The following PREB variants were observed in gnomAD, a reference collection of about 807,000 sequenced individuals.
PREB encodes guanine nucleotide-exchange factor SEC12.
In PREB, 29 loss-of-function variants were observed where a neutral mutation model predicts 46.7. The observed-to-expected ratio is 0.62, with a 90% confidence interval of 0.46 to 0.85. PREB has a LOEUF of 0.85. Among genes scored for constraint, PREB ranks in the 40% least tolerant of loss-of-function variants. The pLI is 0.00. For synonymous variants in PREB, 224 were observed against 220.1 expected (o/e 1.02, Z -0.16); for missense variants, 494 against 528.4 (o/e 0.93, Z 0.64).
chr2:27,133,019 G>C, intron 3 of PREB, 96 bp from the exon 4 acceptor site: 1 of 1,578,510 alleles, frequency 6.3e-7, no homozygotes, highest in Non-Finnish European at 8.7e-7. Context: ...CTCAATGCAA[G>C]CTTCATTCAC....
chr2:27,130,883 C>A lies in PREB; in HGVS notation c.*531G>T. 1 of 1,031,788 alleles carries A rather than the reference C, an allele frequency of 9.7e-7. No homozygotes were observed. The highest frequency in any genetic ancestry group is 1.4e-6 in the Non-Finnish European group (1 of 713,586). The allele number at this position is 1,031,788 out of a possible 1,614,324, so 63.9% of individuals were successfully genotyped here. A position where few individuals can be genotyped will look rare whatever the true frequency, so the allele number is the denominator to read the frequency against. ...CCTAGGAACTTATTGCATCTTTAGG[C>A]CAGCTGGCTTAGTGCTACCCATCTG... On this transcript the variant is annotated 3_prime_UTR_variant, in exon 9 of 9. Transcript: ENST00000260643.
intron 1 of PREB, 122 bp from the exon 2 acceptor site, chr2:27,133,843 C>CT: frequency 1.1e-6 from 1 of 929,760 alleles, no homozygotes; most frequent in Non-Finnish European, 1.5e-6. Context: ...TTTCTCGAGT[C>CT]TTTTTTCTCT....
rs777413654 is a variant in PREB, at chr2:27,132,587, C to G, written c.752+16G>C. On this transcript the variant is annotated intron_variant, in intron 5 of 8. Coordinates refer to ENST00000260643, the MANE Select transcript of PREB (RefSeq NM_013388.6). The surrounding 1 kb of genome is among the most constrained non-coding windows in gnomAD (Gnocchi z 4.0). The stretch of plus-strand genomic sequence containing the variant: ...TGGGCTATGCCTCTTTCAGCCACCA[C>G]CCAAAGTCTTCACACCTGCAGGCCT... 1 of 1,613,770 alleles carries G rather than the reference C, an allele frequency of 6.2e-7. No homozygotes were observed. The highest frequency in any genetic ancestry group is 8.5e-7 in the Non-Finnish European group (1 of 1,179,984).
At chr2:27,131,602 G>T (rs115345652) in intron 8 of PREB, 70 bp downstream of exon 8, 42 of 1,597,092 alleles carry the variant, frequency 2.6e-5, no homozygotes, top group Non-Finnish European at 3.5e-5. Flanking sequence ...AAAGAGCCCA[G>T]CCTCCGGGGG....
chr2:27,131,037 G>A lies in PREB; in HGVS notation c.*377C>T. On this transcript the variant is annotated 3_prime_UTR_variant, in exon 9 of 9. Coordinates refer to ENST00000260643, the MANE Select transcript of PREB (RefSeq NM_013388.6). ...GAGGAACTGGCCACAAGGCTGAGGG[G>A]AGGAGGAGAAACTGTTTCTGCAGGA... is the stretch of plus-strand genomic sequence containing the variant. 7 of 529,792 alleles carry A rather than the reference G, an allele frequency of 1.3e-5. No individual in the cohort carries two copies. In the South Asian group the frequency reaches 1.6e-4, roughly 12 times the overall value. 32.8% of individuals were successfully genotyped at this position (529,792 alleles called of 1,614,324 possible). A position where few individuals can be genotyped will look rare whatever the true frequency, so the allele number is the denominator to read the frequency against.
chr2:27,131,114 G>T lies in PREB; in HGVS notation c.*300C>A. On this transcript the variant is annotated 3_prime_UTR_variant, in exon 9 of 9. Coordinates refer to ENST00000260643, the MANE Select transcript of PREB (RefSeq NM_013388.6). Reference sequence around the variant, plus strand: ...GGCATCTTCACATGTTTCTAGATAAGGACAAGCTCAACTCTGGAGCCTCTG... The same window carrying T: ...GGCATCTTCACATGTTTCTAGATAATGACAAGCTCAACTCTGGAGCCTCTG... The T allele has an allele frequency of 2.0e-6, 1 of 506,522 alleles. No homozygotes were observed. 31.4% of individuals were successfully genotyped at this position (506,522 alleles called of 1,614,324 possible).
chr2:27,132,963 G>T lies in PREB; in HGVS notation c.547-40C>A. 1 of 1,609,524 alleles carries T rather than the reference G, an allele frequency of 6.2e-7. No individual in the cohort carries two copies. The highest frequency in any genetic ancestry group is 8.5e-7 in the Non-Finnish European group (1 of 1,176,132). The stretch of plus-strand genomic sequence containing the variant: ...CCACCATGGTTAACTCAGGTGTCCA[G>T]CAAGTACACTGTGACTGATGCCCAC... On this transcript the variant is annotated intron_variant, in intron 3 of 8. Coordinates refer to ENST00000260643, the MANE Select transcript of PREB (RefSeq NM_013388.6). This position sits in a 1 kb window ranked among gnomAD's most constrained non-coding sequence, Gnocchi z 4.0.
At chr2:27,131,583 G>A in intron 8 of PREB, 75 bp from the exon 9 acceptor site, 1 of 1,595,636 alleles carries the variant, frequency 6.3e-7, no homozygotes, top group South Asian at 1.1e-5. Flanking sequence ...TTCAAAGGAG[G>A]AGTGGCACAA....
chr2:27,133,784 A>C (rs1672386496), intron 1 of PREB, 63 bp from the exon 2 acceptor site: 1 of 1,515,054 alleles, frequency 6.6e-7, no homozygotes, highest in East Asian at 2.3e-5. Context: ...TTTAGGGAAG[A>C]GTCTGATGTC....
Position 27,133,158 on chromosome 2 carries a change from G to A in PREB, c.505C>T (p.Leu169Phe). The A allele has an allele frequency of 6.2e-7, 1 of 1,614,208 alleles. No individual in the cohort carries two copies. The highest frequency in any genetic ancestry group is 1.3e-5 in the African/African-American group (1 of 75,044). Residue 169 changes from leucine to phenylalanine, a missense_variant, in exon 3 of 9, where the codon CTT becomes TTT. Transcript: ENST00000260643. ...VVCFNHDNTL[L>F]ATGGTDGYVR... Reference sequence around the variant, plus strand: ...TAGCCATCTGTTCCTCCAGTGGCAAGCAGGGTATTATCGTGGTTGAAGCAC... The same window carrying A: ...TAGCCATCTGTTCCTCCAGTGGCAAACAGGGTATTATCGTGGTTGAAGCAC...
chr2:27,132,296 C>G lies in PREB; in HGVS notation c.860G>C (p.Gly287Ala). The change falls in exon 6 of 9, where the codon GGC becomes GCC. Residue 287 changes from glycine to alanine, a missense_variant. Gly to Ala is a moderately conservative substitution (Grantham distance 60). Transcript: ENST00000260643. The surrounding 1 kb of genome is among the most constrained non-coding windows in gnomAD (Gnocchi z 4.0). ...GGTCCGAAGGGGCAAGAAGTTGGAG[C>G]CATCCCAGGCTGTGAGGTAGCAGGG... is the stretch of plus-strand genomic sequence containing the variant. ...PPPCYLTAWD[G>A]SNFLPLRTKS... 1 of 1,614,132 alleles carries G rather than the reference C, an allele frequency of 6.2e-7. No homozygotes were observed. The highest frequency in any genetic ancestry group is 1.1e-5 in the South Asian group (1 of 91,082).
chr2:27,131,352 G>C lies in PREB; in HGVS notation c.*62C>G. On this transcript the variant is annotated 3_prime_UTR_variant, in exon 9 of 9. Transcript: ENST00000260643. ...GAATGGAGTGAGCAAAGGGAGTCCAGGCCTCCACTCTGCTCTAGAGATGGC... is the reference window on the plus strand; with the variant it reads ...GAATGGAGTGAGCAAAGGGAGTCCACGCCTCCACTCTGCTCTAGAGATGGC... The C allele has an allele frequency of 7.1e-7, 1 of 1,417,396 alleles. No homozygotes were observed. The highest frequency in any genetic ancestry group is 9.8e-7 in the Non-Finnish European group (1 of 1,025,116). The allele number at this position is 1,417,396 out of a possible 1,614,324, so 87.8% of individuals were successfully genotyped here.
Position 27,132,480 on chromosome 2 carries a change from C to A in PREB, c.753-77G>T. ...TCAGAGGTTTGTGCACCACCTGCAC[C>A]CTGGTCAGACCTGGGGTAACACTCA... is the stretch of plus-strand genomic sequence containing the variant. On this transcript the variant is annotated intron_variant, in intron 5 of 8. Transcript: ENST00000260643. The surrounding 1 kb of genome is among the most constrained non-coding windows in gnomAD (Gnocchi z 4.0). 6.3e-7 allele frequency: 1 copy of A among 1,586,920 alleles called. No individual in the cohort carries two copies. Among genetic ancestry groups the A allele is most frequent in the South Asian group, 1.1e-5 (1 of 88,484 alleles).
chr2:27,130,870 T>C lies in PREB; in HGVS notation c.*544A>G, dbSNP rs562319173. 6 of 1,152,438 alleles carry C rather than the reference T, an allele frequency of 5.2e-6. No homozygotes were observed. Among genetic ancestry groups the C allele is most frequent in the East Asian group, 2.6e-5 (1 of 39,126 alleles). The allele number at this position is 1,152,438 out of a possible 1,614,324, so 71.4% of individuals were successfully genotyped here. A position where few individuals can be genotyped will look rare whatever the true frequency, so the allele number is the denominator to read the frequency against. On this transcript the variant is annotated 3_prime_UTR_variant, in exon 9 of 9. Coordinates refer to ENST00000260643, the MANE Select transcript of PREB (RefSeq NM_013388.6). ...TAAGGGTAGACTACCTAGGAACTTATTGCATCTTTAGGCCAGCTGGCTTAG... is the reference window on the plus strand; with the variant it reads ...TAAGGGTAGACTACCTAGGAACTTACTGCATCTTTAGGCCAGCTGGCTTAG...
Position 27,132,619 on chromosome 2 carries a change from G to C in PREB, c.736C>G (p.Arg246Gly), listed in dbSNP as rs111330078. 5 of 1,613,928 alleles carry C rather than the reference G, an allele frequency of 3.1e-6. No individual in the cohort carries two copies. Among genetic ancestry groups the C allele is most frequent in the African/African-American group, 1.3e-5 (1 of 74,872 alleles). ...TCTTCACACCTGCAGGCCTGGTAGCGGTAAGGTGTGCTGGAAAAGGTGGGT... is the reference window on the plus strand; with the variant it reads ...TCTTCACACCTGCAGGCCTGGTAGCCGTAAGGTGTGCTGGAAAAGGTGGGT... The part of the protein sequence containing the change: ...NGPTFSSTPY[R>G]YQACRFGQVP... Residue 246 changes from arginine (R) to glycine (G), a missense_variant, in exon 5 of 9, where the codon CGC becomes GGC. Arg to Gly is a moderately radical substitution (Grantham distance 125). Coordinates refer to ENST00000260643, the MANE Select transcript of PREB (RefSeq NM_013388.6). The surrounding 1 kb of genome is among the most constrained non-coding windows in gnomAD (Gnocchi z 4.0).
At position 27,133,623 on chromosome 2, in the gene PREB, A is replaced by C; in HGVS notation, c.234T>G (p.Ala78=). The C allele has an allele frequency of 6.2e-7, 1 of 1,614,244 alleles. No individual in the cohort carries two copies. The highest frequency in any genetic ancestry group is 8.5e-7 in the Non-Finnish European group (1 of 1,180,044). The stretch of plus-strand genomic sequence containing the variant: ...CCTGCCCTGCAGCAAGGATGTCACC[A>C]GCCAGTGCCAAGTTCATGGTGGCCC... ...ETRATMNLAL[A]GDILAAGQDA... The change falls in exon 2 of 9, where the codon GCT becomes GCG. Residue 78 remains alanine, a synonymous_variant. Coordinates refer to ENST00000260643, the MANE Select transcript of PREB (RefSeq NM_013388.6).
Position 27,132,013 on chromosome 2 carries a change from G to C in PREB, c.996C>G (p.Leu332=). Reference sequence around the variant, plus strand: ...CATGCCAACCTCCACCCATTACCTGGAGAGAGAAAGCTATGTAGATGGCAA... The same window carrying C: ...CATGCCAACCTCCACCCATTACCTGCAGAGAGAAAGCTATGTAGATGGCAA... ...GSVAIYIAFS[L]QCLYYVREAH... The change falls in exon 7 of 9, where the codon CTC becomes CTG. Residue 332 remains leucine (L), a synonymous_variant. Transcript: ENST00000260643. The surrounding 1 kb of genome is among the most constrained non-coding windows in gnomAD (Gnocchi z 4.0). The C allele has an allele frequency of 1.9e-6, 3 of 1,613,928 alleles. No homozygotes were observed. In the South Asian group the frequency reaches 3.3e-5, roughly 18 times the overall value.
Position 27,131,009 on chromosome 2 carries a change from G to C in PREB, c.*405C>G, listed in dbSNP as rs77205320. ...CCAGCAAATGCCAGGGGCTTCATGTGAAGAGGAACTGGCCACAAGGCTGAG... is the reference window on the plus strand; with the variant it reads ...CCAGCAAATGCCAGGGGCTTCATGTCAAGAGGAACTGGCCACAAGGCTGAG... On this transcript the variant is annotated 3_prime_UTR_variant, in exon 9 of 9. Coordinates refer to ENST00000260643, the MANE Select transcript of PREB (RefSeq NM_013388.6). 2,814 of 553,944 alleles carry C rather than the reference G, an allele frequency of 5.1e-3. 61 individuals are homozygous for C. The highest frequency in any genetic ancestry group is 0.049 in the African/African-American group (2,622 of 53,112). 34.3% of individuals were successfully genotyped at this position (553,944 alleles called of 1,614,324 possible).
chr2:27,132,625 G>A lies in PREB; in HGVS notation c.730C>T (p.Pro244Ser), dbSNP rs773427424. 8.1e-6 allele frequency: 13 copies of A among 1,614,022 alleles called. No homozygotes were observed. The East Asian group carries it at 2.5e-4, about 30-fold the overall frequency. ...QENGPTFSST[P>S]YRYQACRFGQ... ...CACCTGCAGGCCTGGTAGCGGTAAG[G>A]TGTGCTGGAAAAGGTGGGTCCATTT... The change falls in exon 5 of 9, where the codon CCT (proline) becomes TCT (serine). Residue 244 changes from proline to serine, a missense_variant. Pro to Ser is a moderately conservative substitution (Grantham distance 74). Coordinates refer to ENST00000260643, the MANE Select transcript of PREB (RefSeq NM_013388.6). The surrounding 1 kb of genome is among the most constrained non-coding windows in gnomAD (Gnocchi z 4.0).
Sources: gnomAD v4.1 joint callset for allele counts on GRCh38, gnomAD v4.1.1 for gene constraint, Gnocchi (gnomAD v3.1) non-coding constraint, MANE v1.5 for transcripts, NCBI Gene and HGNC (gene_info 2026-07-23, HGNC 2026-07-21) for gene names.